ZNF717: variants seen among roughly 807,000 people sequenced by gnomAD.
ZNF717 encodes krueppel-like factor X17.
Under a neutral mutation model 13.8 loss-of-function variants are expected in ZNF717, and 9 were observed. The ratio of observed to expected loss-of-function variants is 0.65; its 90% CI spans 0.39 to 1.14. The LOEUF (loss-of-function observed/expected upper bound fraction) is 1.14, where lower values mean the gene tolerates loss of function less well. Among genes scored for constraint, ZNF717 ranks in the 50% most tolerant of loss-of-function variants. The pLI, the probability that ZNF717 is intolerant of heterozygous loss-of-function variation, is 0.01. For synonymous variants in ZNF717, 327 were observed against 364.1 expected, an observed-to-expected ratio of 0.90 and a Z score of 1.16; for missense variants, 1,040 against 1,080.7, an observed-to-expected ratio of 0.96 and a Z score of 0.53.
At chr3:75,734,826 T>A (rs1163047692), downstream of ZNF717, among the ~76,000 whole-genome samples, 2,288 of 98,214 alleles carry the variant, frequency 0.023, 11 homozygotes, top group South Asian at 0.047. Context: ...TATTTTTTTT[T>A]TTTTTTTTTT....
intron 2 of ZNF717, among the ~76,000 whole-genome samples, chr3:75,772,176 G>T: frequency 6.6e-6 from 1 of 151,954 alleles, no homozygotes; most frequent in East Asian, 1.9e-4. Flanking sequence ...ACAGACATTG[G>T]GATGACCTGA....
At chr3:75,770,626 A>G (rs570441091) in intron 2 of ZNF717, among the ~76,000 whole-genome samples, 56 of 152,358 alleles carry the variant, frequency 3.7e-4, no homozygotes, top group African/African-American at 1.2e-3. Context: ...ACACCAGATG[A>G]GCCTGAATCT....
chr3:75,732,430 A>G (rs1284132651), downstream of ZNF717, among the ~76,000 whole-genome samples: 3 of 152,158 alleles, frequency 2.0e-5, no homozygotes, highest in African/African-American at 7.2e-5. Flanking sequence ...TCCCTGCTGG[A>G]CCCCCTGCAA....
chr3:75,697,301 G>A (rs1937614345), intron 6 of ZNF717, among the ~76,000 whole-genome samples: 2 of 152,310 alleles, frequency 1.3e-5, no homozygotes, highest in South Asian at 2.1e-4. Context: ...CCTCTGATAA[G>A]GTTTGAATAT....
chr3:75,729,303 C>G (rs1395665901), downstream of ZNF717, among the ~76,000 whole-genome samples: 3 of 152,216 alleles, frequency 2.0e-5, no homozygotes, highest in Admixed American at 6.5e-5. Context: ...ACTCTGAGTT[C>G]TGTCCTATGC....
rs1293912193 is a variant in ZNF717 at position 75,765,027 on chromosome 3, A to G, written c.57+18279T>C. 5.1e-3 allele frequency among the ~76,000 whole-genome samples: 214 copies of G among 42,040 alleles called. 2 individuals are homozygous for G. Among genetic ancestry groups the G allele is most frequent in the African/African-American group, 0.018 (178 of 9,918 alleles). The allele number at this position is 42,040 out of a possible 152,430, so 27.6% of individuals were successfully genotyped here. A position where few individuals can be genotyped will look rare whatever the true frequency, so the allele number is the denominator to read the frequency against. On this transcript the variant is annotated intron_variant, in intron 2 of 4. Coordinates refer to ENST00000652011, the MANE Select transcript of ZNF717 (RefSeq NM_001290208.3). ...TATATATATATATATATATATATAT[A>G]TATGTATATGTGTGTGTGTGTGTGT... is the stretch of plus-strand genomic sequence containing the variant.
At chr3:75,717,685 A>C (rs1938083389) in intron 4 of ZNF717, among the ~76,000 whole-genome samples, 1 of 152,174 alleles carries the variant, frequency 6.6e-6, no homozygotes, top group Non-Finnish European at 1.5e-5. Flanking sequence ...GTGGAGGCCC[A>C]CAAAAAGGCT....
At chr3:75,712,224 G>T (rs1470818644) in intron 5 of ZNF717, among the ~76,000 whole-genome samples, 8 of 142,664 alleles carry the variant, frequency 5.6e-5, no homozygotes, top group Admixed American at 4.3e-4. Flanking sequence ...AAATTAAATA[G>T]ATCTCAGAAA....
At chr3:75,766,954 A>G (rs1304096175) in intron 2 of ZNF717, among the ~76,000 whole-genome samples, 4 of 152,274 alleles carry the variant, frequency 2.6e-5, no homozygotes, top group Non-Finnish European at 5.9e-5. Flanking sequence ...TAAAAATCAC[A>G]TTTCTGGTAG....
At position 75,739,102 on chromosome 3, in the gene ZNF717, G is replaced by A; in HGVS notation, c.521C>T (p.Thr174Ile). ...NMLFPIKPGE[T>I]QSGEKPHVCD... ...GACATGAGGTTTCTCTCCAGACTGT[G>A]TCTCCCCAGGCTTAATAGGGAAAAG... is the stretch of plus-strand genomic sequence containing the variant. The change falls in exon 5 of 5, where the codon ACA becomes ATA. Residue 174 changes from threonine to isoleucine, a missense_variant. By Grantham distance (89) the Thr-to-Ile change is moderately conservative (BLOSUM62 -1). Around this residue, in one of 3 missense-constraint regions of ZNF717, gnomAD observed 873 missense variants for 832.8 expected, o/e 1.05. Transcript: ENST00000652011. The A allele has an allele frequency of 6.4e-7, 1 of 1,551,488 alleles. No individual in the cohort carries two copies.
chr3:75,697,855 T>C (rs1264633727), intron 6 of ZNF717, among the ~76,000 whole-genome samples: 1 of 152,286 alleles, frequency 6.6e-6, no homozygotes, highest in Non-Finnish European at 1.5e-5. Context: ...AAGTTGAGAT[T>C]TTCTTAGAGA....
chr3:75,761,706 T>G (rs766109687), intron 2 of ZNF717, among the ~76,000 whole-genome samples: 27 of 152,262 alleles, frequency 1.8e-4, no homozygotes, highest in Non-Finnish European at 3.4e-4. Flanking sequence ...GTCAGTTGCA[T>G]TTCTGTAAAC....
chr3:75,709,581 T>A (rs80273019), downstream of ZNF717: 1 of 149,780 alleles, frequency 6.7e-6, no homozygotes, highest in African/African-American at 2.4e-5. Flanking sequence ...ACAATCGTGA[T>A]GCCAGTCCAT....
chr3:75,776,067 G>A (rs1353070391), intron 2 of ZNF717, among the ~76,000 whole-genome samples: 2 of 152,256 alleles, frequency 1.3e-5, no homozygotes, highest in Non-Finnish European at 2.9e-5. Context: ...CCAGTGCCAT[G>A]CACCTAATTT....
At position 75,746,521 on chromosome 3, in the gene ZNF717, C is replaced by T. The variant is rs1575807426; in HGVS notation, c.58-4785G>A. On this transcript the variant is annotated intron_variant, in intron 2 of 4. Coordinates refer to ENST00000652011, the MANE Select transcript of ZNF717 (RefSeq NM_001290208.3). ...TAACAGTGTAAAAGTGTTCCTATTT[C>T]TCCACATCCTCTCCAGCACCTGTTG... Among the ~76,000 whole-genome samples the T allele has an allele frequency of 2.0e-5, 3 of 152,150 alleles. No individual in the cohort carries two copies. In the South Asian group the frequency reaches 6.2e-4, roughly 32 times the overall value.
chr3:75,742,557 C>A (rs1575789739), intron 2 of ZNF717, among the ~76,000 whole-genome samples: 1 of 44,882 alleles, frequency 2.2e-5, no homozygotes, highest in Admixed American at 2.6e-4. Flanking sequence ...ACCATGAATT[C>A]TCTGACTATG....
chr3:75,741,788 G>A, intron 2 of ZNF717, 52 bp from the exon 3 acceptor site: 9 of 1,553,054 alleles, frequency 5.8e-6, no homozygotes, highest in Non-Finnish European at 7.8e-6. Flanking sequence ...TCCTGTACAG[G>A]GTCCTCTAAG....
intron 2 of ZNF717, among the ~76,000 whole-genome samples, chr3:75,758,692 A>G (rs1167681502): frequency 6.6e-6 from 1 of 152,238 alleles, no homozygotes; most frequent in Non-Finnish European, 1.5e-5. Flanking sequence ...ACCACCTTAC[A>G]TTAAGGCAAG....
chr3:75,761,551 T>G (rs1471861733), intron 2 of ZNF717, among the ~76,000 whole-genome samples: 1 of 152,202 alleles, frequency 6.6e-6, no homozygotes, highest in African/African-American at 2.4e-5. Flanking sequence ...GAGAAAGAAA[T>G]AAAAAGCATG....
Sources: gnomAD v4.1 joint callset for allele counts (sites outside exome capture counted in the v4.1 genomes callset) on GRCh38, gnomAD v4.1.1 for gene constraint, gnomAD v4.1.1 regional missense constraint, MANE v1.5 for transcripts, NCBI Gene and HGNC (gene_info 2026-07-23, HGNC 2026-07-21) for gene names.